The following PARD3B variants were observed in gnomAD, a reference collection of about 807,000 sequenced individuals.
PARD3B encodes the protein par-3 family cell polarity regulator beta, also known as partitioning defective 3 homolog B.
A neutral mutation model predicts 130.2 loss-of-function variants in PARD3B; 103 were observed. The ratio of observed to expected loss-of-function variants is 0.79; its 90% CI spans 0.67 to 0.93. The LOEUF is 0.93. Ranked by LOEUF, PARD3B falls within the 40% of genes least tolerant of loss-of-function variation. The pLI is 0.00. For missense variants in PARD3B, 1,609 were observed against 1,499.2 expected (o/e 1.07, Z -1.21); for synonymous variants, 583 against 553.2 (o/e 1.05, Z -0.76).
chr2:205,196,243 G>A (rs2036675030), intron 15 of PARD3B, among the ~76,000 whole-genome samples: 1 of 152,104 alleles, frequency 6.6e-6, no homozygotes, highest in South Asian at 2.1e-4. Context: ...GTTGCATAGT[G>A]TTACATTCAT....
intron 22 of PARD3B, among the ~76,000 whole-genome samples, chr2:205,567,783 A>T (rs1005531494): frequency 1.3e-5 from 2 of 151,736 alleles, no homozygotes; most frequent in Admixed American, 1.3e-4. Context: ...ATTTGAGAGC[A>T]AGTGATTTTA....
At chr2:205,251,331 G>A (rs1390125673) in intron 16 of PARD3B, among the ~76,000 whole-genome samples, 1 of 151,844 alleles carries the variant, frequency 6.6e-6, no homozygotes, top group East Asian at 1.9e-4. Flanking sequence ...TGCATGTGAC[G>A]TGTATAAATT....
chr2:204,933,478 G>T (rs138498296), intron 2 of PARD3B, among the ~76,000 whole-genome samples: 4 of 152,134 alleles, frequency 2.6e-5, no homozygotes, highest in Non-Finnish European at 5.9e-5. Flanking sequence ...TATAGAAAAT[G>T]TTATGTAGAA....
intron 22 of PARD3B, among the ~76,000 whole-genome samples, chr2:205,559,462 T>C (rs1167931375): frequency 2.6e-5 from 4 of 152,034 alleles, no homozygotes; most frequent in African/African-American, 9.7e-5. Context: ...AGATTTTCTT[T>C]ATATACAAGG....
chr2:204,707,197 C>T (rs936274174), intron 2 of PARD3B, among the ~76,000 whole-genome samples: 1 of 152,136 alleles, frequency 6.6e-6, no homozygotes, highest in African/African-American at 2.4e-5. Context: ...CTCTAATGCC[C>T]AGCAACCTGA....
In PARD3B at chr2:205,389,490, G is replaced by GCCTGTAATTACAGCCTCTCAGCCTGTAAT. The variant is rs2045775805; in HGVS notation, c.2631-11523_2631-11522insCCTGTAATTACAGCCTCTCAGCCTGTAAT. Among the ~76,000 whole-genome samples the GCCTGTAATTACAGCCTCTCAGCCTGTAAT allele has an allele frequency of 2.6e-5, 4 of 152,232 alleles. No individual in the cohort carries two copies. In the South Asian group the frequency reaches 8.3e-4, roughly 32 times the overall value. On this transcript the variant is annotated intron_variant, in intron 18 of 22. Coordinates refer to ENST00000406610, the MANE Select transcript of PARD3B (RefSeq NM_001302769.2). ...GGATTCTTTTGCCTCAGCCTCCCAA[G>GCCTGTAATTACAGCCTCTCAGCCTGTAAT]TAGCTGGGATTACAGGCACATGCCA...
chr2:205,239,990 G>A (rs541229899), intron 15 of PARD3B, among the ~76,000 whole-genome samples: 1 of 152,118 alleles, frequency 6.6e-6, no homozygotes, highest in Admixed American at 6.5e-5. Context: ...ATAGATGGAA[G>A]AATTTTTTAA....
intron 3 of PARD3B, among the ~76,000 whole-genome samples, chr2:204,985,198 C>A (rs761533304): frequency 4.6e-5 from 7 of 151,948 alleles, no homozygotes; most frequent in Admixed American, 2.0e-4. Flanking sequence ...TCCCTCCTGC[C>A]TGTTTTTTCC....
chr2:205,455,181 A>G (rs951662959), intron 20 of PARD3B, among the ~76,000 whole-genome samples: 21 of 152,036 alleles, frequency 1.4e-4, no homozygotes, highest in African/African-American at 4.6e-4. Context: ...AATTATTACC[A>G]TCTCTCTGGC....
chr2:205,226,383 G>A (rs1023858037), intron 15 of PARD3B, among the ~76,000 whole-genome samples: 4 of 152,162 alleles, frequency 2.6e-5, no homozygotes, highest in African/African-American at 4.8e-5. Context: ...GCCCATGTTT[G>A]CAGTTGGTTG....
intron 2 of PARD3B, among the ~76,000 whole-genome samples, chr2:204,716,394 G>GA (rs1446745804): frequency 6.6e-6 from 1 of 151,942 alleles, no homozygotes; most frequent in African/African-American, 2.4e-5. Flanking sequence ...ATGAAAATTT[G>GA]AAAAACACTG....
chr2:204,767,062 A>T (rs1283061640), intron 2 of PARD3B, among the ~76,000 whole-genome samples: 1 of 117,258 alleles, frequency 8.5e-6, no homozygotes, highest in Non-Finnish European at 1.7e-5. Context: ...GGTTAGTTAC[A>T]TATGTATACA....
intron 4 of PARD3B, among the ~76,000 whole-genome samples, chr2:205,069,268 G>T (rs1359529021): frequency 1.3e-5 from 2 of 151,678 alleles, no homozygotes; most frequent in African/African-American, 2.4e-5. Context: ...GTTTGTTTTG[G>T]TTAGATTTTT....
chr2:205,078,545 G>A lies in PARD3B; in HGVS notation c.505-25881G>A, dbSNP rs1395294089. Reference sequence around the variant, plus strand: ...AATGTGACTTCATTAATTTAAACTTGTAGTATTTTGCTTAAATTCATGTAA... The same window carrying A: ...AATGTGACTTCATTAATTTAAACTTATAGTATTTTGCTTAAATTCATGTAA... On this transcript the variant is annotated intron_variant, in intron 4 of 22. Transcript: ENST00000406610. The surrounding 1 kb of genome is among the most constrained non-coding windows in gnomAD (Gnocchi z 4.0). Among the ~76,000 whole-genome samples, 3 of 152,306 alleles carry A rather than the reference G, an allele frequency of 2.0e-5. No homozygotes were observed. The highest frequency in any genetic ancestry group is 1.3e-4 in the Admixed American group (2 of 15,298).
At chr2:205,353,903 A>G (rs1238062505) in intron 18 of PARD3B, among the ~76,000 whole-genome samples, 1 of 151,856 alleles carries the variant, frequency 6.6e-6, no homozygotes, top group Non-Finnish European at 1.5e-5. Flanking sequence ...GTGTTATCTC[A>G]AGAAGGTTAA....
At chr2:205,175,162 A>G (rs1340518092) in intron 12 of PARD3B, among the ~76,000 whole-genome samples, 1 of 152,094 alleles carries the variant, frequency 6.6e-6, no homozygotes, top group East Asian at 1.9e-4. Context: ...AGTTGTTGGG[A>G]TATCGATTGT....
intron 4 of PARD3B, among the ~76,000 whole-genome samples, chr2:205,054,395 A>C (rs1699444454): frequency 1.1e-5 from 1 of 87,318 alleles, no homozygotes; most frequent in Non-Finnish European, 2.4e-5. Context: ...GGTAACCATG[A>C]CATGTCTTTT....
At chr2:205,477,169 A>G (rs10932110) in intron 20 of PARD3B, among the ~76,000 whole-genome samples, 27,050 of 152,150 alleles carry the variant, frequency 0.18, 5,132 homozygotes, top group African/African-American at 0.48. Flanking sequence ...TTCAACCTCC[A>G]GTCCCACTTT....
chr2:204,746,741 G>T (rs1221539474), intron 2 of PARD3B, among the ~76,000 whole-genome samples: 1 of 152,150 alleles, frequency 6.6e-6, no homozygotes, highest in Non-Finnish European at 1.5e-5. Context: ...GTGATGACGA[G>T]CGTTTTTTCA....
Sources: allele counts gnomAD v4.1 joint callset (sites outside exome capture counted in the v4.1 genomes callset), GRCh38; gene constraint gnomAD v4.1.1; non-coding constraint Gnocchi (gnomAD v3.1); transcripts MANE v1.5; gene names NCBI Gene and HGNC (gene_info 2026-07-23, HGNC 2026-07-21).